The following TRPM3 variants were observed in gnomAD, a reference collection of about 807,000 sequenced individuals.
TRPM3 encodes long transient receptor potential channel 3.
TRPM3 carries 77 observed loss-of-function variants against 181.2 expected under a neutral mutation model. The observed-to-expected ratio is 0.42, with a 90% CI of 0.35 to 0.51. The LOEUF (loss-of-function observed/expected upper bound fraction) is 0.51. Ranked by LOEUF, TRPM3 falls within the 20% of genes least tolerant of loss-of-function variation. The pLI, the probability that TRPM3 is intolerant of heterozygous loss-of-function variation, is 0.01. For synonymous variants in TRPM3, 745 were observed against 796.4 expected, an observed-to-expected ratio of 0.94 and a Z score of 1.09; for missense variants, 1,759 against 2,196.7, an observed-to-expected ratio of 0.80 and a Z score of 3.98.
At chr9:70,753,876 C>T (rs1768674698) in intron 8 of TRPM3, among the ~76,000 whole-genome samples, 1 of 152,016 alleles carries the variant, frequency 6.6e-6, no homozygotes, top group Non-Finnish European at 1.5e-5. Context: ...GGAGGTCTGG[C>T]CGCTGTCAGG....
intron 1 of TRPM3, among the ~76,000 whole-genome samples, chr9:71,292,383 A>T (rs900949692): frequency 6.6e-5 from 10 of 152,044 alleles, no homozygotes; most frequent in Non-Finnish European, 1.5e-4. Context: ...AACAGAGTTA[A>T]TCTGTTTTTA....
At chr9:71,256,982 T>C (rs1180966275) in intron 1 of TRPM3, among the ~76,000 whole-genome samples, 1 of 152,210 alleles carries the variant, frequency 6.6e-6, no homozygotes, top group African/African-American at 2.4e-5. Flanking sequence ...CTAAACATTC[T>C]GATAAATCTT....
intron 6 of TRPM3, among the ~76,000 whole-genome samples, chr9:70,787,834 T>C (rs927291692): frequency 6.7e-6 from 1 of 148,948 alleles, no homozygotes; most frequent in African/African-American, 2.5e-5. Context: ...AATGGTTTAT[T>C]GAAGAATAAC....
chr9:70,615,867 G>A, intron 18 of TRPM3, 41 bp downstream of exon 18: 1 of 1,557,934 alleles, frequency 6.4e-7, no homozygotes, highest in Non-Finnish European at 8.7e-7. Context: ...AGTGGATTAG[G>A]AATTCTGCCC....
chr9:71,340,168 T>C (rs1461021363), intron 1 of TRPM3, among the ~76,000 whole-genome samples: 1 of 152,116 alleles, frequency 6.6e-6, no homozygotes, highest in African/African-American at 2.4e-5. Flanking sequence ...ATGAAATGCA[T>C]TGCAGACAAT....
At chr9:71,090,516 A>G (rs1459637953) in intron 1 of TRPM3, among the ~76,000 whole-genome samples, 2 of 152,154 alleles carry the variant, frequency 1.3e-5, no homozygotes, top group African/African-American at 4.8e-5. Flanking sequence ...TCATGCCCTC[A>G]TCTGTATCAA....
chr9:71,296,988 CTTTTTTTT>C lies in TRPM3; in HGVS notation c.183+149657_183+149664del, dbSNP rs398010878. On this transcript the variant is annotated intron_variant, in intron 1 of 24. Coordinates refer to the TRPM3 transcript ENST00000357533. ...AACAAACATGGGATGTGAATCTTTT[CTTTTTTTT>C]TTTTTTTTTTTTTGAGATGAAGTCT... is the stretch of plus-strand genomic sequence containing the variant. Among the ~76,000 whole-genome samples the C allele has an allele frequency of 2.2e-3, 215 of 97,868 alleles. 5 individuals carry two copies. The highest frequency in any genetic ancestry group is 4.3e-4 in the Non-Finnish European group (21 of 48,930). 64.2% of individuals were successfully genotyped at this position (97,868 alleles called of 152,430 possible).
intron 1 of TRPM3, among the ~76,000 whole-genome samples, chr9:70,901,959 C>T (rs1202986446): frequency 3.9e-5 from 6 of 152,100 alleles, no homozygotes; most frequent in African/African-American, 1.4e-4. Flanking sequence ...GTGCTTGTTG[C>T]CGCAATTAGG....
At chr9:71,333,892 A>C (rs2090383830) in intron 1 of TRPM3, among the ~76,000 whole-genome samples, 2 of 151,928 alleles carry the variant, frequency 1.3e-5, no homozygotes, top group South Asian at 4.2e-4. Flanking sequence ...TTTAAGTTGA[A>C]AACCAATTCG....
At chr9:71,383,143 C>T (rs1418838925) in intron 1 of TRPM3, among the ~76,000 whole-genome samples, 1 of 152,136 alleles carries the variant, frequency 6.6e-6, no homozygotes, top group Non-Finnish European at 1.5e-5. Flanking sequence ...ATTTCTCTAA[C>T]ATTTTACACC....
chr9:71,185,039 G>A (rs547047106), intron 1 of TRPM3, among the ~76,000 whole-genome samples: 4 of 152,184 alleles, frequency 2.6e-5, no homozygotes, highest in African/African-American at 9.6e-5. Context: ...TAACAAGCAG[G>A]CATGCACGCA....
intron 1 of TRPM3, among the ~76,000 whole-genome samples, chr9:71,096,590 ACTCTCTCTCTCTCT>A (rs71367255): frequency 5.6e-5 from 5 of 89,998 alleles, no homozygotes; most frequent in Non-Finnish European, 1.0e-4. Context: ...ACACACACAC[ACTCTCTCTCTCTCT>A]CTCTCTCTCT....
intron 1 of TRPM3, among the ~76,000 whole-genome samples, chr9:71,402,237 T>A (rs2093354298): frequency 6.6e-6 from 1 of 152,206 alleles, no homozygotes; most frequent in Non-Finnish European, 1.5e-5. Flanking sequence ...GACAATTTAA[T>A]GAACAAACAT....
chr9:71,354,062 T>C (rs1222799165), intron 1 of TRPM3, among the ~76,000 whole-genome samples: 1 of 152,200 alleles, frequency 6.6e-6, no homozygotes, highest in Admixed American at 6.6e-5. Flanking sequence ...ATGCTGTAAC[T>C]GTAGCCCTTC....
intron 5 of TRPM3, among the ~76,000 whole-genome samples, chr9:70,835,630 C>A (rs77040440): frequency 6.6e-6 from 1 of 152,066 alleles, no homozygotes; most frequent in Non-Finnish European, 1.5e-5. Flanking sequence ...TGCTCCTACA[C>A]GCTTGCCAGT....
chr9:70,563,877 C>T (rs1042928675), intron 22 of TRPM3, among the ~76,000 whole-genome samples: 13 of 152,216 alleles, frequency 8.5e-5, no homozygotes, highest in African/African-American at 2.4e-4. Context: ...AGTCAGCTCA[C>T]GCATGTCGTG....
chr9:71,318,365 A>G (rs1241572478), intron 1 of TRPM3, among the ~76,000 whole-genome samples: 1 of 152,198 alleles, frequency 6.6e-6, no homozygotes, highest in Non-Finnish European at 1.5e-5. Flanking sequence ...ACAAATTTGT[A>G]CAGGATTTTC....
At chr9:71,312,037 G>A (rs2132405942) in intron 1 of TRPM3, among the ~76,000 whole-genome samples, 1 of 152,180 alleles carries the variant, frequency 6.6e-6, no homozygotes, top group African/African-American at 2.4e-5. Context: ...AACACCAAAA[G>A]CACTATCCAT....
chr9:70,949,064 G>A (rs1422422176), intron 1 of TRPM3, among the ~76,000 whole-genome samples: 1 of 152,038 alleles, frequency 6.6e-6, no homozygotes, highest in African/African-American at 2.4e-5. Context: ...CCCTATTACA[G>A]GCTGTGCATG....
Sources: gnomAD v4.1 joint callset for allele counts (sites outside exome capture counted in the v4.1 genomes callset) on GRCh38, gnomAD v4.1.1 for gene constraint, MANE v1.5 for transcripts, NCBI Gene and HGNC (gene_info 2026-07-23, HGNC 2026-07-21) for gene names.